TMEM117: variants seen among roughly 807,000 people sequenced by gnomAD.
The protein encoded by TMEM117 is transmembrane protein 117.
TMEM117 carries 27 observed loss-of-function variants against 52.4 expected under a neutral mutation model. The observed-to-expected ratio is 0.51, with a 90% CI of 0.38 to 0.71. The LOEUF is 0.71. TMEM117 is among the 30% of genes least tolerant of loss of function. The pLI is 0.00. For missense variants in TMEM117, 556 were observed against 630.5 expected, an observed-to-expected ratio of 0.88 and a Z score of 1.26; for synonymous variants, 215 against 206.3, an observed-to-expected ratio of 1.04 and a Z score of -0.36.
At chr12:43,977,315 C>T (rs10748386) in intron 3 of TMEM117, among the ~76,000 whole-genome samples, 134,342 of 152,146 alleles carry the variant, frequency 0.88, 60,330 homozygotes, top group Non-Finnish European at 0.96. Context: ...TCCAGGGCTG[C>T]GGGTTCTGCA....
At chr12:44,237,973 T>C (rs563611410) in intron 5 of TMEM117, among the ~76,000 whole-genome samples, 1 of 152,236 alleles carries the variant, frequency 6.6e-6, no homozygotes, top group African/African-American at 2.4e-5. Context: ...TCTGCAGACA[T>C]TTATTCAGCA....
the TMEM117 span, among the ~76,000 whole-genome samples, chr12:43,824,736 T>C: frequency 0.076 from 11,604 of 152,200 alleles, 539 homozygotes; most frequent in African/African-American, 0.13. Flanking sequence ...GAGACCACCT[T>C]GGCTAACACA....
At chr12:44,344,771 C>A (rs944200456) in intron 6 of TMEM117, among the ~76,000 whole-genome samples, 1 of 152,024 alleles carries the variant, frequency 6.6e-6, no homozygotes. Context: ...TGTCCAGTCA[C>A]ATAGTTACAT....
intron 3 of TMEM117, among the ~76,000 whole-genome samples, chr12:44,044,708 A>G (rs561881239): frequency 1.3e-5 from 2 of 151,382 alleles, no homozygotes; most frequent in East Asian, 3.9e-4. Flanking sequence ...CATGATACAC[A>G]GGCACCAACT....
At chr12:44,170,860 A>G (rs1487129844) in intron 4 of TMEM117, among the ~76,000 whole-genome samples, 1 of 152,208 alleles carries the variant, frequency 6.6e-6, no homozygotes, top group Non-Finnish European at 1.5e-5. Context: ...GCTTTACATA[A>G]TCACAATTCA....
chr12:43,846,437 G>A (rs1015455027), intron 2 of TMEM117, among the ~76,000 whole-genome samples: 1 of 152,194 alleles, frequency 6.6e-6, no homozygotes, highest in African/African-American at 2.4e-5. Flanking sequence ...CTGGTCTCAA[G>A]TTTAAACTCT....
intron 6 of TMEM117, among the ~76,000 whole-genome samples, chr12:44,320,139 A>T (rs1951112095): frequency 6.6e-6 from 1 of 152,198 alleles, no homozygotes; most frequent in African/African-American, 2.4e-5. Context: ...AGCTATCATC[A>T]ACCCTTCAAA....
chr12:43,848,554 A>G (rs1428064907), intron 2 of TMEM117, among the ~76,000 whole-genome samples: 1 of 152,154 alleles, frequency 6.6e-6, no homozygotes, highest in African/African-American at 2.4e-5. Context: ...CCCCTCAGGC[A>G]GTCAGACCTT....
At chr12:44,310,549 T>A (rs115500905) in intron 6 of TMEM117, among the ~76,000 whole-genome samples, 7,312 of 151,824 alleles carry the variant, frequency 0.048, 362 homozygotes, top group African/African-American at 0.12. Flanking sequence ...GAGGCAGGAG[T>A]ATAGTTTGAA....
At chr12:43,850,003 A>C (rs1246528420) in intron 2 of TMEM117, among the ~76,000 whole-genome samples, 1 of 152,182 alleles carries the variant, frequency 6.6e-6, no homozygotes, top group Non-Finnish European at 1.5e-5. Flanking sequence ...ATATTGCTAA[A>C]TGGCTTCTAC....
At chr12:43,938,262 A>C (rs1360891517) in intron 2 of TMEM117, among the ~76,000 whole-genome samples, 1 of 147,920 alleles carries the variant, frequency 6.8e-6, no homozygotes, top group Non-Finnish European at 1.5e-5. Context: ...TATATATTAT[A>C]TTATATATTT....
At chr12:44,322,873 T>C (rs1329552826) in intron 6 of TMEM117, among the ~76,000 whole-genome samples, 1 of 152,032 alleles carries the variant, frequency 6.6e-6, no homozygotes, top group African/African-American at 2.4e-5. Flanking sequence ...CCTGCAAATA[T>C]GTTAAGTTGC....
intron 3 of TMEM117, among the ~76,000 whole-genome samples, 184 bp downstream of exon 3, chr12:43,944,526 A>G (rs1945098052): frequency 6.6e-6 from 1 of 152,094 alleles, no homozygotes; most frequent in Non-Finnish European, 1.5e-5. Flanking sequence ...GGAAGCATAT[A>G]GTACATTACA....
intron 4 of TMEM117, among the ~76,000 whole-genome samples, chr12:44,167,352 T>C (rs1948981766): frequency 6.6e-6 from 1 of 152,124 alleles, no homozygotes; most frequent in Non-Finnish European, 1.5e-5. Flanking sequence ...TTGAATACAC[T>C]GGAGACTTGC....
At chr12:43,842,824 A>T (rs1298928100) in intron 1 of TMEM117, among the ~76,000 whole-genome samples, 2 of 152,276 alleles carry the variant, frequency 1.3e-5, no homozygotes, top group East Asian at 3.9e-4. Context: ...GGAGAAGAAC[A>T]TGTCTCCAGA....
intron 7 of TMEM117, 33 bp from the exon 8 acceptor site, chr12:44,387,993 T>C: frequency 1.9e-6 from 3 of 1,561,808 alleles, no homozygotes; most frequent in Non-Finnish European, 2.6e-6. Flanking sequence ...TTTATGGCCC[T>C]TTGATTAATG....
intron 6 of TMEM117, among the ~76,000 whole-genome samples, chr12:44,375,978 A>G (rs1012904620): frequency 1.3e-5 from 2 of 152,194 alleles, no homozygotes; most frequent in Non-Finnish European, 2.9e-5. Flanking sequence ...ATGACATGGA[A>G]TTAATTCACT....
At chr12:43,941,711 T>C (rs1201037338) in intron 2 of TMEM117, among the ~76,000 whole-genome samples, 1 of 152,218 alleles carries the variant, frequency 6.6e-6, no homozygotes, top group Non-Finnish European at 1.5e-5. Context: ...ACTTAATATT[T>C]TGCAGCACTT....
At chr12:44,253,868 A>ACACACACACC (rs1339496152) in intron 5 of TMEM117, among the ~76,000 whole-genome samples, 6 of 149,736 alleles carry the variant, frequency 4.0e-5, no homozygotes, top group Non-Finnish European at 8.9e-5. Context: ...ACACACACAC[A>ACACACACACC]CACACACACC....
Sources: gnomAD v4.1 joint callset for allele counts (sites outside exome capture counted in the v4.1 genomes callset) on GRCh38, gnomAD v4.1.1 for gene constraint, MANE v1.5 for transcripts, NCBI Gene and HGNC (gene_info 2026-07-23, HGNC 2026-07-21) for gene names.